CNOT4: variants seen among roughly 807,000 people sequenced by gnomAD.
The protein encoded by CNOT4 is CCR4-associated factor 4.
Under a neutral mutation model 73.8 loss-of-function variants are expected in CNOT4, and 8 were observed. The observed-to-expected ratio is 0.11, with a 90% CI of 0.06 to 0.20. CNOT4 has a LOEUF of 0.20. CNOT4 is among the 10% of genes least tolerant of loss of function. The pLI is 1.00. For missense variants in CNOT4, 564 were observed against 883.4 expected, an observed-to-expected ratio of 0.64 and a Z score of 4.58; for synonymous variants, 293 against 321.1, an observed-to-expected ratio of 0.91 and a Z score of 0.94.
intron 1 of CNOT4, chr7:135,444,671 T>G: frequency 3.4e-6 from 4 of 1,166,676 alleles, no homozygotes; most frequent in Non-Finnish European, 5.2e-6. Context: ...AGGTTTTCAG[T>G]GTTTTGCTCC....
At chr7:135,472,559 A>ATATATATATATATAT (rs1585699249) in intron 1 of CNOT4, among the ~76,000 whole-genome samples, 12 of 104,214 alleles carry the variant, frequency 1.2e-4, no homozygotes, top group South Asian at 3.4e-4. Flanking sequence ...ATATATATAT[A>ATATATATATATATAT]AAGTGATCCT....
At chr7:135,497,852 CTG>C (rs1363659952) in intron 1 of CNOT4, among the ~76,000 whole-genome samples, 1 of 152,200 alleles carries the variant, frequency 6.6e-6, no homozygotes, top group African/African-American at 2.4e-5. Context: ...CAAGTGATTA[CTG>C]AAAATATATG....
intron 1 of CNOT4, among the ~76,000 whole-genome samples, chr7:135,492,678 T>G (rs1208966813): frequency 6.6e-6 from 1 of 152,130 alleles, no homozygotes; most frequent in Non-Finnish European, 1.5e-5. Flanking sequence ...ACACTTGTAA[T>G]CCCAGCTCTT....
chr7:135,402,345 A>G (rs776740959), intron 7 of CNOT4, among the ~76,000 whole-genome samples: 44 of 152,188 alleles, frequency 2.9e-4, no homozygotes, highest in Non-Finnish European at 5.9e-4. Context: ...CCTGGCCTCA[A>G]GTGATCTGCC....
At chr7:135,466,238 T>C (rs1801210138) in intron 1 of CNOT4, among the ~76,000 whole-genome samples, 1 of 151,982 alleles carries the variant, frequency 6.6e-6, no homozygotes, top group African/African-American at 2.4e-5. Flanking sequence ...TCCCAGCACT[T>C]TGGCAGTCTG....
At chr7:135,438,131 A>T (rs1463426916) in intron 2 of CNOT4, 27 bp downstream of exon 2, 1 of 1,333,910 alleles carries the variant, frequency 7.5e-7, no homozygotes. Context: ...AAAACAAATC[A>T]CTGTGAAGTT....
intron 2 of CNOT4, among the ~76,000 whole-genome samples, chr7:135,437,702 G>A (rs1179965636): frequency 6.6e-6 from 1 of 152,108 alleles, no homozygotes; most frequent in African/African-American, 2.4e-5. Flanking sequence ...TCTGAACGAG[G>A]ATTTCTCTGT....
intron 3 of CNOT4, among the ~76,000 whole-genome samples, chr7:135,421,856 C>G (rs1461780319): frequency 6.6e-6 from 1 of 152,166 alleles, no homozygotes; most frequent in African/African-American, 2.4e-5. Flanking sequence ...CACATGTTAG[C>G]CTTAACAGCA....
rs780736716 is a variant in CNOT4 at position 135,362,928 on chromosome 7, G to A, written c.2099C>T (p.Thr700Ile). ...TGAACTCTGTAGTAAATCTGTGGGGGTTTTGCTGGGGGGTCTGAAGGCTGT... is the reference window on the plus strand; with the variant it reads ...TGAACTCTGTAGTAAATCTGTGGGGATTTTGCTGGGGGGTCTGAAGGCTGT... ...FQTAFRPPSK[T>I]PTDLLQSSTL... Residue 700 changes from threonine (T) to isoleucine (I), a missense_variant, in exon 12 of 12, where the codon ACC becomes ATC. Coordinates refer to ENST00000541284, the MANE Select transcript of CNOT4 (RefSeq NM_001190850.2). 6.2e-7 allele frequency: 1 copy of A among 1,613,304 alleles called. No individual in the cohort carries two copies. The highest frequency in any genetic ancestry group is 1.7e-5 in the Admixed American group (1 of 59,964).
intron 7 of CNOT4, among the ~76,000 whole-genome samples, chr7:135,408,419 G>A (rs187842567): frequency 5.3e-5 from 8 of 152,154 alleles, no homozygotes; most frequent in South Asian, 2.1e-4. Context: ...ATAGGCATTC[G>A]CAAGAAGAAA....
At chr7:135,478,526 A>T (rs1395292667) in intron 1 of CNOT4, among the ~76,000 whole-genome samples, 1 of 151,972 alleles carries the variant, frequency 6.6e-6, no homozygotes, top group Non-Finnish European at 1.5e-5. Context: ...AACTGGGGAG[A>T]CCCTGTCTTT....
chr7:135,387,564 T>A (rs1304197887), intron 10 of CNOT4: 4 of 974,718 alleles, frequency 4.1e-6, no homozygotes, highest in South Asian at 4.7e-5. Flanking sequence ...CTTTTTTTTT[T>A]AACAAATTAA....
intron 10 of CNOT4, among the ~76,000 whole-genome samples, chr7:135,382,027 A>C (rs1013405323): frequency 3.3e-5 from 5 of 152,224 alleles, no homozygotes; most frequent in Non-Finnish European, 7.3e-5. Flanking sequence ...TAGTTGCCTT[A>C]GGAAGTGTGG....
rs148139060 is a variant in CNOT4, at chr7:135,508,282, CT to C, written c.-93+1606del. Among the ~76,000 whole-genome samples the C allele has an allele frequency of 4.6e-3, 699 of 152,320 alleles. 4 individuals are homozygous for C. The highest frequency in any genetic ancestry group is 6.2e-3 in the Non-Finnish European group (422 of 68,016). On this transcript the variant is annotated intron_variant, in intron 1 of 11. Transcript: ENST00000541284. ...AGTGGTCTGATTATAGCCAGGGCTG[CT>C]TCTTCCCATTTTACCATTAGTCAGT...
chr7:135,469,400 T>C (rs1298300492), intron 1 of CNOT4, among the ~76,000 whole-genome samples: 1 of 152,200 alleles, frequency 6.6e-6, no homozygotes, highest in East Asian at 1.9e-4. Flanking sequence ...TAAGCTAGTT[T>C]GGTCAAGTTT....
At chr7:135,426,814 T>G (rs1208771928) in intron 2 of CNOT4, among the ~76,000 whole-genome samples, 1 of 150,728 alleles carries the variant, frequency 6.6e-6, no homozygotes, top group Non-Finnish European at 1.5e-5. Flanking sequence ...TCCCAGCTAC[T>G]CAGGAGGCTG....
At chr7:135,398,286 C>A in intron 7 of CNOT4, 60 bp from the exon 8 acceptor site, 3 of 824,592 alleles carry the variant, frequency 3.6e-6, no homozygotes, top group East Asian at 2.6e-5. Flanking sequence ...ACAATAAAAA[C>A]AAACTCCTCA....
At chr7:135,424,818 A>AAAC (rs1563042083) in intron 2 of CNOT4, among the ~76,000 whole-genome samples, 15 of 132,746 alleles carry the variant, frequency 1.1e-4, no homozygotes, top group African/African-American at 3.5e-4. Context: ...AACAAACAAA[A>AAAC]AAAAACAAAC....
chr7:135,413,431 A>AT (rs1797686481), intron 6 of CNOT4, 57 bp downstream of exon 6: 3 of 1,572,420 alleles, frequency 1.9e-6, no homozygotes, highest in Middle Eastern at 1.7e-4. Flanking sequence ...ATGTTAACTA[A>AT]TAAAAAAAAA....
Sources: gnomAD v4.1 joint callset for allele counts (sites outside exome capture counted in the v4.1 genomes callset) on GRCh38, gnomAD v4.1.1 for gene constraint, MANE v1.5 for transcripts, NCBI Gene and HGNC (gene_info 2026-07-23, HGNC 2026-07-21) for gene names.